The following CADPS2 variants were observed in gnomAD, a reference collection of about 807,000 sequenced individuals.
CADPS2 encodes calcium-dependent secretion activator 2.
CADPS2 carries 93 observed loss-of-function variants against 172.5 expected under a neutral mutation model. The ratio of observed to expected loss-of-function variants is 0.54; its 90% confidence interval spans 0.46 to 0.64. CADPS2 has a LOEUF of 0.64. Ranked by LOEUF, CADPS2 falls within the 30% of genes least tolerant of loss-of-function variation. The pLI, the probability that CADPS2 is intolerant of heterozygous loss-of-function variation, is 0.00. For missense variants in CADPS2, 1,420 were observed against 1,565.9 expected (o/e 0.91, Z 1.57); for synonymous variants, 546 against 555.2 (o/e 0.98, Z 0.23).
intron 12 of CADPS2, among the ~76,000 whole-genome samples, chr7:122,478,469 C>T (rs2056951688): frequency 6.6e-6 from 1 of 152,128 alleles, no homozygotes; most frequent in Admixed American, 6.6e-5. Flanking sequence ...GCTCGAGCGT[C>T]TTTAGGTGGT....
intron 24 of CADPS2, among the ~76,000 whole-genome samples, chr7:122,380,428 G>A (rs1371943901): frequency 6.6e-6 from 1 of 151,828 alleles, no homozygotes; most frequent in African/African-American, 2.4e-5. Context: ...CTTCACTGCT[G>A]GTTGAATGGT....
intron 1 of CADPS2, among the ~76,000 whole-genome samples, chr7:122,764,747 T>C (rs2093495645): frequency 1.3e-5 from 2 of 152,000 alleles, no homozygotes; most frequent in Admixed American, 1.3e-4. Context: ...ACAGACCAAG[T>C]AGAAGAAACA....
Position 122,382,061 on chromosome 7 carries a change from C to CAT in CADPS2, c.3313-2621_3313-2620dup, listed in dbSNP as rs540856746. The stretch of plus-strand genomic sequence containing the variant: ...AGATGGCCCGAGAATTCCCATTTTA[C>CAT]ATATATATTCTGCAGACAATAACTC... On this transcript the variant is annotated intron_variant, in intron 24 of 29. Transcript: ENST00000449022. 1.6e-4 allele frequency among the ~76,000 whole-genome samples: 25 copies of CAT among 152,174 alleles called. No homozygotes were observed. The South Asian group carries it at 5.0e-3, about 30-fold the overall frequency.
intron 8 of CADPS2, among the ~76,000 whole-genome samples, chr7:122,517,472 T>C (rs1175954253): frequency 6.6e-6 from 1 of 152,098 alleles, no homozygotes; most frequent in African/African-American, 2.4e-5. Context: ...TACAAGAAAC[T>C]GCCAAATTGT....
intron 7 of CADPS2, among the ~76,000 whole-genome samples, chr7:122,559,572 C>T (rs1253914309): frequency 6.6e-6 from 1 of 151,842 alleles, no homozygotes; most frequent in Non-Finnish European, 1.5e-5. Flanking sequence ...GAGTTTGAGA[C>T]CAGCCTGACC....
chr7:122,529,643 C>T (rs917146181), intron 8 of CADPS2, among the ~76,000 whole-genome samples: 1 of 151,950 alleles, frequency 6.6e-6, no homozygotes, highest in African/African-American at 2.4e-5. Flanking sequence ...TATATTTTTC[C>T]TCCCTGTCTT....
intron 3 of CADPS2, among the ~76,000 whole-genome samples, chr7:122,640,658 G>A (rs552144337): frequency 7.2e-5 from 11 of 152,098 alleles, no homozygotes; most frequent in South Asian, 2.1e-4. Context: ...TTGGCTGGGC[G>A]CGGTGGCTCA....
intron 3 of CADPS2, among the ~76,000 whole-genome samples, chr7:122,659,895 C>CTATATCCAGTGAAAT (rs2080325460): frequency 1.3e-5 from 2 of 152,048 alleles, no homozygotes; most frequent in Non-Finnish European, 2.9e-5. Flanking sequence ...ACAGATAATT[C>CTATATCCAGTGAAAT]TATATCCAGT....
chr7:122,572,479 T>A (rs1225118850), intron 7 of CADPS2, among the ~76,000 whole-genome samples: 1 of 152,178 alleles, frequency 6.6e-6, no homozygotes, highest in Admixed American at 6.6e-5. Flanking sequence ...TCCTTCTGTT[T>A]GTAGAAATGT....
chr7:122,785,514 GA>G (rs533059466), intron 1 of CADPS2, among the ~76,000 whole-genome samples: 106 of 152,258 alleles, frequency 7.0e-4, no homozygotes, highest in African/African-American at 2.5e-3. Context: ...TTTTGAACTA[GA>G]GCCCTAAAGG....
intron 1 of CADPS2, among the ~76,000 whole-genome samples, chr7:122,776,839 A>G (rs1190403978): frequency 6.6e-6 from 1 of 152,208 alleles, no homozygotes; most frequent in Non-Finnish European, 1.5e-5. Context: ...AGCACCTTGC[A>G]TGTAACTCTA....
intron 6 of CADPS2, among the ~76,000 whole-genome samples, chr7:122,605,335 C>A (rs1421653658): frequency 6.6e-6 from 1 of 152,044 alleles, no homozygotes; most frequent in Admixed American, 6.6e-5. Context: ...TACGATGTTA[C>A]GACGGCTATG....
At chr7:122,490,762 T>G (rs2058210430) in intron 10 of CADPS2, among the ~76,000 whole-genome samples, 2 of 152,174 alleles carry the variant, frequency 1.3e-5, no homozygotes, top group South Asian at 4.1e-4. Context: ...AGTCATAAAT[T>G]TCTATTTCTT....
At chr7:122,817,326 T>C (rs1459582326) in intron 1 of CADPS2, among the ~76,000 whole-genome samples, 4 of 152,178 alleles carry the variant, frequency 2.6e-5, no homozygotes, top group Non-Finnish European at 5.9e-5. Flanking sequence ...TTAAATCAGG[T>C]AAGCGGCCTC....
intron 25 of CADPS2, among the ~76,000 whole-genome samples, chr7:122,371,611 A>G (rs1011133064): frequency 1.3e-5 from 2 of 152,152 alleles, no homozygotes; most frequent in African/African-American, 4.8e-5. Flanking sequence ...CAGCCAAACC[A>G]TATCAAGGGT....
chr7:122,690,369 A>G (rs1280075030), intron 2 of CADPS2, among the ~76,000 whole-genome samples: 1 of 152,154 alleles, frequency 6.6e-6, no homozygotes, highest in Non-Finnish European at 1.5e-5. Flanking sequence ...CAGACAGTAC[A>G]TATGTTCCCG....
At chr7:122,460,725 CA>C (rs2054337187) in intron 14 of CADPS2, among the ~76,000 whole-genome samples, 1 of 151,480 alleles carries the variant, frequency 6.6e-6, no homozygotes, top group Admixed American at 6.6e-5. Flanking sequence ...TCTAAGGAAA[CA>C]AAAAATGGAA....
intron 6 of CADPS2, among the ~76,000 whole-genome samples, chr7:122,593,688 G>A (rs1003288138): frequency 3.3e-5 from 5 of 151,810 alleles, no homozygotes; most frequent in African/African-American, 1.2e-4. Flanking sequence ...GTTTTCATCT[G>A]TTTCATAAAA....
chr7:122,437,867 T>C (rs142555103), intron 17 of CADPS2, among the ~76,000 whole-genome samples: 58 of 151,862 alleles, frequency 3.8e-4, no homozygotes, highest in African/African-American at 1.3e-3. Context: ...CATCAGTACA[T>C]TGCAAGCAAT....
Sources: allele counts gnomAD v4.1 joint callset (sites outside exome capture counted in the v4.1 genomes callset), GRCh38; gene constraint gnomAD v4.1.1; transcripts MANE v1.5; gene names NCBI Gene and HGNC (gene_info 2026-07-23, HGNC 2026-07-21).